The following C1QA variants were observed in gnomAD, a reference collection of about 807,000 sequenced individuals.
C1QA encodes the protein complement C1q A chain, also known as complement C1q subcomponent subunit A.
A neutral mutation model predicts 6.9 loss-of-function variants in C1QA; 3 were observed. The ratio of observed to expected loss-of-function variants is 0.44; its 90% confidence interval spans 0.20 to 1.12. The LOEUF is 1.12. C1QA is among the 50% of genes most tolerant of loss of function. The pLI is 0.27. For missense variants in C1QA, 273 were observed against 326.6 expected (o/e 0.84, Z 1.26); for synonymous variants, 128 against 134.1 (o/e 0.95, Z 0.31).
rs1184189183 is a variant in C1QA at position 22,639,529 on chromosome 1, C to G, written c.*122C>G. 1 of 1,129,534 alleles carries G rather than the reference C, an allele frequency of 8.9e-7. No homozygotes were observed. The highest frequency in any genetic ancestry group is 2.5e-5 in the East Asian group (1 of 39,484). The allele number at this position is 1,129,534 out of a possible 1,614,324, so 70.0% of individuals were successfully genotyped here. A position where few individuals can be genotyped will look rare whatever the true frequency, so the allele number is the denominator to read the frequency against. ...CTGGCTCTGAGAGCCCCAGGACTGG[C>G]TGCCCCGTGACACATGCTCTAAGAA... is the stretch of plus-strand genomic sequence containing the variant. On this transcript the variant is annotated 3_prime_UTR_variant, in exon 3 of 3. Coordinates refer to ENST00000374642, the MANE Select transcript of C1QA (RefSeq NM_015991.4). This position sits in a 1 kb window ranked among gnomAD's most constrained non-coding sequence, Gnocchi z 4.6.
chr1:22,639,458 C>T lies in C1QA; in HGVS notation c.*51C>T. Reference sequence around the variant, plus strand: ...CCACCTCTCTGGCTTCCATGCTCCGCCTGTAAAATGGGGGCGCTATTGCTT... The same window carrying T: ...CCACCTCTCTGGCTTCCATGCTCCGTCTGTAAAATGGGGGCGCTATTGCTT... On this transcript the variant is annotated 3_prime_UTR_variant, in exon 3 of 3. Coordinates refer to ENST00000374642, the MANE Select transcript of C1QA (RefSeq NM_015991.4). This position sits in a 1 kb window ranked among gnomAD's most constrained non-coding sequence, Gnocchi z 4.6. 6.3e-7 allele frequency: 1 copy of T among 1,595,166 alleles called. No individual in the cohort carries two copies. Among genetic ancestry groups the T allele is most frequent in the Non-Finnish European group, 8.5e-7 (1 of 1,172,474 alleles).
Position 22,639,402 on chromosome 1 carries a change from G to C in C1QA, c.733G>C (p.Ala245Pro). Residue 245 changes from alanine (A) to proline (P), a missense_variant, in exon 3 of 3, where the codon GCC becomes CCC. Physicochemically the swap from Ala to Pro is conservative, Grantham distance 27. Coordinates refer to ENST00000374642, the MANE Select transcript of C1QA (RefSeq NM_015991.4). The surrounding 1 kb of genome is among the most constrained non-coding windows in gnomAD (Gnocchi z 4.6). The part of the protein sequence containing the change: ...VFSGFLIFPS[A>P] ...CAGCGGCTTCCTCATCTTCCCATCT[G>C]CCTGAGCCAGGGAAGGACCCCCTCC... The C allele has an allele frequency of 1.2e-6, 2 of 1,613,180 alleles. No individual in the cohort carries two copies. The highest frequency in any genetic ancestry group is 3.3e-4 in the Middle Eastern group (2 of 6,062).
Position 22,637,590 on chromosome 1 carries a change from GC to G in C1QA, c.-7-17del. Reference sequence around the variant, plus strand: ...TGAGTGTGATGTCCAACCTGCCCAGGCCCTCCCGTGTCTCCACAGAGGCATC... The same window carrying G: ...TGAGTGTGATGTCCAACCTGCCCAGGCCTCCCGTGTCTCCACAGAGGCATC... On this transcript the variant is annotated intron_variant, in intron 1 of 2. Coordinates refer to ENST00000374642, the MANE Select transcript of C1QA (RefSeq NM_015991.4). This position sits in a 1 kb window ranked among gnomAD's most constrained non-coding sequence, Gnocchi z 4.4. 1 of 1,613,282 alleles carries G rather than the reference GC, an allele frequency of 6.2e-7. No homozygotes were observed. Among genetic ancestry groups the G allele is most frequent in the Non-Finnish European group, 8.5e-7 (1 of 1,179,754 alleles).
rs1384127874 is a variant in C1QA at position 22,637,281 on chromosome 1, T to C, written c.-7-329T>C. 6.6e-6 allele frequency among the ~76,000 whole-genome samples: 1 copy of C among 152,150 alleles called. No homozygotes were observed. Among genetic ancestry groups the C allele is most frequent in the Admixed American group, 6.5e-5 (1 of 15,276 alleles). On this transcript the variant is annotated intron_variant, in intron 1 of 2. Coordinates refer to ENST00000374642, the MANE Select transcript of C1QA (RefSeq NM_015991.4). The surrounding 1 kb of genome is among the most constrained non-coding windows in gnomAD (Gnocchi z 4.4). ...CGTGCAAGTGAGGGACAGGGTCTATTTGGGTATCAGTTGTGTGTCTAGGGG... is the reference window on the plus strand; with the variant it reads ...CGTGCAAGTGAGGGACAGGGTCTATCTGGGTATCAGTTGTGTGTCTAGGGG...
chr1:22,638,855 C>T lies in C1QA; in HGVS notation c.186C>T (p.Gly62=), dbSNP rs776416316. 7.5e-6 allele frequency: 12 copies of T among 1,590,720 alleles called. No individual in the cohort carries two copies. Among genetic ancestry groups the T allele is most frequent in the Admixed American group, 1.8e-5 (1 of 56,292 alleles). Residue 62 remains glycine, a synonymous_variant, in exon 3 of 3, where the codon GGC becomes GGT. Transcript: ENST00000374642. ...CAGGGGCCCCTGGCATCCGGACAGG[C>T]ATCCAAGGCCTTAAAGGAGACCAGG... is the stretch of plus-strand genomic sequence containing the variant. ...GEPGAPGIRT[G]IQGLKGDQGE...
At chr1:22,638,579 C>G (rs1642215896) in intron 2 of C1QA, among the ~76,000 whole-genome samples, 1 of 152,212 alleles carries the variant, frequency 6.6e-6, no homozygotes, top group Admixed American at 6.5e-5. Context: ...GCAGAGCAGC[C>G]AGAGTTCCAT....
intron 2 of C1QA, among the ~76,000 whole-genome samples, chr1:22,638,252 A>G (rs1382007396): frequency 6.6e-6 from 1 of 152,134 alleles, no homozygotes; most frequent in Non-Finnish European, 1.5e-5. Context: ...CAAATAACTG[A>G]ATCTGTCCCT....
At chr1:22,636,974 A>G (rs1469149396) in intron 1 of C1QA, 1 of 155,298 alleles carries the variant, frequency 6.4e-6, no homozygotes, top group East Asian at 1.9e-4. Flanking sequence ...TGGCCCCATA[A>G]CACATAAGAA....
rs757136247 is a variant in C1QA at position 22,639,535 on chromosome 1, C to T, written c.*128C>T. The T allele has an allele frequency of 5.1e-5, 52 of 1,015,998 alleles. No homozygotes were observed. Among genetic ancestry groups the T allele is most frequent in the Non-Finnish European group, 7.4e-5 (51 of 687,850 alleles). 62.9% of individuals were successfully genotyped at this position (1,015,998 alleles called of 1,614,324 possible). A position where few individuals can be genotyped will look rare whatever the true frequency, so the allele number is the denominator to read the frequency against. On this transcript the variant is annotated 3_prime_UTR_variant, in exon 3 of 3. Coordinates refer to ENST00000374642, the MANE Select transcript of C1QA (RefSeq NM_015991.4). This position sits in a 1 kb window ranked among gnomAD's most constrained non-coding sequence, Gnocchi z 4.6. ...CTGAGAGCCCCAGGACTGGCTGCCC[C>T]GTGACACATGCTCTAAGAAGCTCGT...
In C1QA at chr1:22,637,350, C is replaced by T. The variant is rs907962971; in HGVS notation, c.-7-260C>T. On this transcript the variant is annotated intron_variant, in intron 1 of 2. Transcript: ENST00000374642. The surrounding 1 kb of genome is among the most constrained non-coding windows in gnomAD (Gnocchi z 4.4). Reference sequence around the variant, plus strand: ...GTTTGCCTACTGTGTTTTGTAGGTGCGTGGATGAGAGCTGTGTTTGTGTGA... The same window carrying T: ...GTTTGCCTACTGTGTTTTGTAGGTGTGTGGATGAGAGCTGTGTTTGTGTGA... Among the ~76,000 whole-genome samples the T allele has an allele frequency of 3.3e-5, 5 of 151,990 alleles. No individual in the cohort carries two copies. Among genetic ancestry groups the T allele is most frequent in the African/African-American group, 4.8e-5 (2 of 41,434 alleles).
rs145158391 is a variant in C1QA at position 22,638,477 on chromosome 1, C to T, written c.164-356C>T. Among the ~76,000 whole-genome samples, 877 of 152,262 alleles carry T rather than the reference C, an allele frequency of 5.8e-3. 20 individuals are homozygous for T. The highest frequency in any genetic ancestry group is 0.043 in the Admixed American group (653 of 15,296). Reference sequence around the variant, plus strand: ...ATAGACATTTGCAGTAATTTGCATCCGGGCATCCTACATGTGGTACCTGAA... The same window carrying T: ...ATAGACATTTGCAGTAATTTGCATCTGGGCATCCTACATGTGGTACCTGAA... On this transcript the variant is annotated intron_variant, in intron 2 of 2. Transcript: ENST00000374642.
chr1:22,637,898 C>T lies in C1QA; in HGVS notation c.163+119C>T. 7.6e-7 allele frequency: 1 copy of T among 1,319,078 alleles called. No homozygotes were observed. Among genetic ancestry groups the T allele is most frequent in the Non-Finnish European group, 1.0e-6 (1 of 981,762 alleles). 81.7% of individuals were successfully genotyped at this position (1,319,078 alleles called of 1,614,324 possible). A position where few individuals can be genotyped will look rare whatever the true frequency, so the allele number is the denominator to read the frequency against. On this transcript the variant is annotated intron_variant, in intron 2 of 2. Coordinates refer to ENST00000374642, the MANE Select transcript of C1QA (RefSeq NM_015991.4). This position sits in a 1 kb window ranked among gnomAD's most constrained non-coding sequence, Gnocchi z 4.4. Reference sequence around the variant, plus strand: ...CGTCTGCCCCCAGTGCCCCATGAATCCTCTCCAGTTTGTACTTGGCCACAG... The same window carrying T: ...CGTCTGCCCCCAGTGCCCCATGAATTCTCTCCAGTTTGTACTTGGCCACAG...
At chr1:22,638,792 G>A in intron 2 of C1QA, 41 bp from the exon 3 acceptor site, 2 of 1,544,486 alleles carry the variant, frequency 1.3e-6, no homozygotes, top group Non-Finnish European at 1.8e-6. Context: ...GGACCAGTAG[G>A]CATTGGACTC....
chr1:22,637,847 TG>T lies in C1QA; in HGVS notation c.163+72del. ...TGACTTGGCCTCCAGGGTGAAGGCTTGGGGTGGCACTGAGAATCAGGAGTCC... is the reference window on the plus strand; with the variant it reads ...TGACTTGGCCTCCAGGGTGAAGGCTTGGGTGGCACTGAGAATCAGGAGTCC... On this transcript the variant is annotated intron_variant, in intron 2 of 2. Transcript: ENST00000374642. This position sits in a 1 kb window ranked among gnomAD's most constrained non-coding sequence, Gnocchi z 4.4. The T allele has an allele frequency of 6.7e-7, 1 of 1,488,232 alleles. No individual in the cohort carries two copies. The allele number at this position is 1,488,232 out of a possible 1,614,324, so 92.2% of individuals were successfully genotyped here.
rs572822370 is a variant in C1QA at position 22,639,620 on chromosome 1, G to T, written c.*213G>T. ...CTGTGTCTGCTGAACATGAGCTTCA[G>T]TTGCTACTCGGAGCATTGAGAGGGA... On this transcript the variant is annotated 3_prime_UTR_variant, in exon 3 of 3. Transcript: ENST00000374642. This position sits in a 1 kb window ranked among gnomAD's most constrained non-coding sequence, Gnocchi z 4.6. The T allele has an allele frequency of 4.4e-5, 27 of 607,508 alleles. No homozygotes were observed. In the South Asian group the frequency reaches 5.2e-4, roughly 12 times the overall value. The allele number at this position is 607,508 out of a possible 1,614,324, so 37.6% of individuals were successfully genotyped here. A position where few individuals can be genotyped will look rare whatever the true frequency, so the allele number is the denominator to read the frequency against.
chr1:22,637,499 T>C lies in C1QA; in HGVS notation c.-7-111T>C. 6.0e-6 allele frequency: 8 copies of C among 1,342,516 alleles called. 2 individuals are homozygous for C. The South Asian group carries it at 1.0e-4, about 17-fold the overall frequency. 83.2% of individuals were successfully genotyped at this position (1,342,516 alleles called of 1,614,324 possible). On this transcript the variant is annotated intron_variant, in intron 1 of 2. Coordinates refer to ENST00000374642, the MANE Select transcript of C1QA (RefSeq NM_015991.4). This position sits in a 1 kb window ranked among gnomAD's most constrained non-coding sequence, Gnocchi z 4.4. ...GACATTGAGAGCCCCAGAGGGTGCA[T>C]GTGCACTTGGGGAGGACTGTGCATA...
chr1:22,638,787 A>C, intron 2 of C1QA, 46 bp from the exon 3 acceptor site: 3 of 1,547,674 alleles, frequency 1.9e-6, no homozygotes, highest in Non-Finnish European at 2.6e-6. Flanking sequence ...CCTGAGGACC[A>C]GTAGGCATTG....
Position 22,638,816 on chromosome 1 carries a change from G to A in C1QA, c.164-17G>A. The A allele has an allele frequency of 1.3e-6, 2 of 1,566,772 alleles. No individual in the cohort carries two copies. The highest frequency in any genetic ancestry group is 1.7e-6 in the Non-Finnish European group (2 of 1,155,988). On this transcript the variant is annotated splice_polypyrimidine_tract_variant and intron_variant, in intron 2 of 2. Transcript: ENST00000374642. ...GGCATTGGACTCTCACTTCCAATCTGGCATTTCTCCCCACAGGGGCCCCTG... is the reference window on the plus strand; with the variant it reads ...GGCATTGGACTCTCACTTCCAATCTAGCATTTCTCCCCACAGGGGCCCCTG...
rs1642239037 is a variant in C1QA at position 22,639,610 on chromosome 1, A to G, written c.*203A>G. The G allele has an allele frequency of 3.2e-6, 2 of 619,290 alleles. No homozygotes were observed. The highest frequency in any genetic ancestry group is 5.9e-5 in the Admixed American group (2 of 33,992). 38.4% of individuals were successfully genotyped at this position (619,290 alleles called of 1,614,324 possible). A position where few individuals can be genotyped will look rare whatever the true frequency, so the allele number is the denominator to read the frequency against. The stretch of plus-strand genomic sequence containing the variant: ...ACATCTGTGTCTGTGTCTGCTGAAC[A>G]TGAGCTTCAGTTGCTACTCGGAGCA... On this transcript the variant is annotated 3_prime_UTR_variant, in exon 3 of 3. Transcript: ENST00000374642. The surrounding 1 kb of genome is among the most constrained non-coding windows in gnomAD (Gnocchi z 4.6).
Sources: gnomAD v4.1 joint callset for allele counts (sites outside exome capture counted in the v4.1 genomes callset) on GRCh38, gnomAD v4.1.1 for gene constraint, Gnocchi (gnomAD v3.1) non-coding constraint, MANE v1.5 for transcripts, NCBI Gene and HGNC (gene_info 2026-07-23, HGNC 2026-07-21) for gene names.